The following DLG2 variants were observed in gnomAD, a reference collection of about 807,000 sequenced individuals.
The protein encoded by DLG2 is discs large MAGUK scaffold protein 2, also known as disks large homolog 2.
DLG2 carries 45 observed loss-of-function variants against 132.5 expected under a neutral mutation model. The ratio of observed to expected loss-of-function variants is 0.34; its 90% CI spans 0.27 to 0.44. The LOEUF is 0.44. DLG2 is among the 20% of genes least tolerant of loss of function. The probability of loss-of-function intolerance (pLI) is 1.00; values close to 1 mark genes in which losing one functional copy is unlikely to be tolerated. For synonymous variants in DLG2, 424 were observed against 419.6 expected (o/e 1.01, Z -0.13); for missense variants, 1,045 against 1,196.9 (o/e 0.87, Z 1.87).
At chr11:84,076,141 A>G (rs768012234) in intron 10 of DLG2, among the ~76,000 whole-genome samples, 4 of 152,220 alleles carry the variant, frequency 2.6e-5, no homozygotes, top group Non-Finnish European at 5.9e-5. Context: ...TATTTGATTT[A>G]TAACTTTATG....
intron 3 of DLG2, among the ~76,000 whole-genome samples, chr11:85,553,895 T>G (rs769403841): frequency 2.8e-4 from 42 of 151,242 alleles, no homozygotes; most frequent in Non-Finnish European, 5.8e-4. Flanking sequence ...TACATAAAAA[T>G]TATACTGCTA....
intron 3 of DLG2, among the ~76,000 whole-genome samples, chr11:85,483,879 G>A (rs916894517): frequency 1.3e-5 from 2 of 148,742 alleles, no homozygotes; most frequent in East Asian, 3.9e-4. Context: ...AGGATGCAGA[G>A]GTTGCAGTGA....
intron 6 of DLG2, among the ~76,000 whole-genome samples, chr11:84,925,084 T>G (rs1176505895): frequency 2.0e-5 from 3 of 152,208 alleles, no homozygotes; most frequent in African/African-American, 7.2e-5. Flanking sequence ...AGAGGAACTT[T>G]TAAAAACCTA....
chr11:83,916,760 C>A (rs951141215), intron 15 of DLG2, among the ~76,000 whole-genome samples: 3 of 152,108 alleles, frequency 2.0e-5, no homozygotes, highest in African/African-American at 7.2e-5. Flanking sequence ...GTTTTATTTC[C>A]TTCCTTCCGG....
At chr11:84,066,886 T>C (rs1171962878) in intron 10 of DLG2, among the ~76,000 whole-genome samples, 1 of 152,188 alleles carries the variant, frequency 6.6e-6, no homozygotes, top group African/African-American at 2.4e-5. Context: ...CTATCAGTAG[T>C]ATTCTCTTTC....
At chr11:85,007,438 A>G (rs562664243) in intron 6 of DLG2, among the ~76,000 whole-genome samples, 21 of 152,074 alleles carry the variant, frequency 1.4e-4, no homozygotes, top group African/African-American at 4.6e-4. Context: ...AGGCGGGTGG[A>G]TCACGAGGTC....
In DLG2 at chr11:84,603,942, A is replaced by G. The variant is rs114838361; in HGVS notation, c.358-69211T>C. Among the ~76,000 whole-genome samples the G allele has an allele frequency of 8.0e-3, 1,209 of 152,034 alleles. 21 individuals carry two copies. The highest frequency in any genetic ancestry group is 0.028 in the African/African-American group (1,154 of 41,548). ...TTTTTGACATGGAAAAATGGCACCT[A>G]TCACATGCTGGAATAAGGAAATTTT... On this transcript the variant is annotated intron_variant, in intron 6 of 27. Transcript: ENST00000376104.
chr11:84,101,295 A>G (rs1019203948), intron 9 of DLG2, among the ~76,000 whole-genome samples: 3 of 152,160 alleles, frequency 2.0e-5, no homozygotes, highest in African/African-American at 7.2e-5. Flanking sequence ...GCCACACCCA[A>G]GGAACAGACA....
chr11:84,106,384 G>A (rs541369537), intron 9 of DLG2, among the ~76,000 whole-genome samples: 1 of 152,230 alleles, frequency 6.6e-6, no homozygotes, highest in South Asian at 2.1e-4. Flanking sequence ...CTATTACTAG[G>A]ATGTGAAGGT....
intron 7 of DLG2, among the ~76,000 whole-genome samples, chr11:84,439,300 T>C (rs1286709855): frequency 6.6e-6 from 1 of 152,140 alleles, no homozygotes; most frequent in Non-Finnish European, 1.5e-5. Context: ...GCCCTATGAG[T>C]CTATGATCAT....
At chr11:83,549,181 C>T (rs1434562124) in intron 19 of DLG2, among the ~76,000 whole-genome samples, 1 of 152,096 alleles carries the variant, frequency 6.6e-6, no homozygotes, top group Non-Finnish European at 1.5e-5. Flanking sequence ...ACACTAGCAA[C>T]GGAAAATAAA....
chr11:84,131,487 G>T (rs949717651), intron 9 of DLG2, among the ~76,000 whole-genome samples: 3 of 151,884 alleles, frequency 2.0e-5, no homozygotes, highest in Admixed American at 6.6e-5. Context: ...GGAAGTTTTG[G>T]TGTTTCTTTC....
At chr11:84,035,831 G>T (rs2095849842) in intron 11 of DLG2, among the ~76,000 whole-genome samples, 1 of 152,200 alleles carries the variant, frequency 6.6e-6, no homozygotes, top group African/African-American at 2.4e-5. Flanking sequence ...CAGCAAAGCA[G>T]AGTTGGTGAG....
At chr11:84,294,594 T>C (rs2098061974) in intron 7 of DLG2, among the ~76,000 whole-genome samples, 1 of 152,140 alleles carries the variant, frequency 6.6e-6, no homozygotes, top group African/African-American at 2.4e-5. Context: ...TGAGACTCTG[T>C]CTCAAAAAAA....
At chr11:84,334,009 T>C (rs2098472710) in intron 7 of DLG2, among the ~76,000 whole-genome samples, 2 of 152,140 alleles carry the variant, frequency 1.3e-5, no homozygotes. Context: ...GGCCTGCCTG[T>C]AGAGGGGAGA....
intron 3 of DLG2, among the ~76,000 whole-genome samples, chr11:85,346,616 T>A (rs1388155905): frequency 1.3e-5 from 2 of 152,186 alleles, no homozygotes; most frequent in Non-Finnish European, 2.9e-5. Context: ...TAGTAAGCAC[T>A]ATTAATTTGT....
At chr11:84,754,305 G>A (rs536821087) in intron 6 of DLG2, among the ~76,000 whole-genome samples, 158 of 152,282 alleles carry the variant, frequency 1.0e-3, no homozygotes, top group African/African-American at 3.7e-3. Flanking sequence ...AGGAAATGAA[G>A]CATATTGAAC....
intron 4 of DLG2, among the ~76,000 whole-genome samples, chr11:85,239,164 C>A (rs117506253): frequency 0.021 from 3,257 of 152,142 alleles, 59 homozygotes; most frequent in Middle Eastern, 0.054. Context: ...GAGGGTTACA[C>A]TACCTTTATT....
chr11:85,124,324 T>A lies in DLG2; in HGVS notation c.283-12589A>T, dbSNP rs1458667061. Among the ~76,000 whole-genome samples the A allele has an allele frequency of 3.3e-5, 5 of 152,374 alleles. No individual in the cohort carries two copies. In the East Asian group the frequency reaches 9.6e-4, roughly 29 times the overall value. On this transcript the variant is annotated intron_variant, in intron 5 of 27. Coordinates refer to ENST00000376104, the MANE Select transcript of DLG2 (RefSeq NM_001142699.3). ...CACATATACAGACACAGCTCTCATT[T>A]TTCTCTACCATACGGTGATGCTAAT...
Sources: gnomAD v4.1 joint callset for allele counts (sites outside exome capture counted in the v4.1 genomes callset) on GRCh38, gnomAD v4.1.1 for gene constraint, MANE v1.5 for transcripts, NCBI Gene and HGNC (gene_info 2026-07-23, HGNC 2026-07-21) for gene names.